COL6A5: variants seen among roughly 807,000 people sequenced by gnomAD.
COL6A5 encodes collagen alpha-5(VI) chain.
In COL6A5, 48 loss-of-function variants were observed where a neutral mutation model predicts 65.6. The ratio of observed to expected loss-of-function variants is 0.73; its 90% confidence interval spans 0.58 to 0.93. COL6A5 has a LOEUF of 0.93. Among genes scored for constraint, COL6A5 ranks in the 40% least tolerant of loss-of-function variants. The pLI is 0.00. For synonymous variants in COL6A5, 291 were observed against 322.8 expected, an observed-to-expected ratio of 0.90 and a Z score of 1.05; for missense variants, 914 against 928.3, an observed-to-expected ratio of 0.98 and a Z score of 0.20.
intron 1 of COL6A5, among the ~76,000 whole-genome samples, chr3:130,353,870 T>A (rs188091994): frequency 7.9e-5 from 12 of 152,180 alleles, no homozygotes; most frequent in Non-Finnish European, 2.9e-5. Context: ...AATGAATATG[T>A]CACTTATATT....
At chr3:130,429,647 A>C, upstream of COL6A5, 1 of 1,388,082 alleles carries the variant, frequency 7.2e-7, no homozygotes, top group Admixed American at 2.5e-5. Flanking sequence ...AACAAGACCA[A>C]TCTGAAAGAT....
In COL6A5 at chr3:130,426,239, C is replaced by CTA. The variant is rs1157449224; in HGVS notation, c.5190_5191insAT (p.Val1731MetfsTer8). 4 of 1,551,170 alleles carry CTA rather than the reference C, an allele frequency of 2.6e-6. No individual in the cohort carries two copies. In the African/African-American group the frequency reaches 4.1e-5, roughly 16 times the overall value. On this transcript the variant is annotated frameshift_variant and NMD_transcript_variant, in exon 30 of 42. Transcript: ENST00000312481. ...GGCATTAAAGGCATGGCAGGGCAGC[C>CTA]TGTATATTCTGTATGTATCTCCTTA...
chr3:130,466,878 A>G (rs752923765), intron 5 of COL6A5, among the ~76,000 whole-genome samples: 3 of 152,122 alleles, frequency 2.0e-5, no homozygotes, highest in African/African-American at 4.8e-5. Flanking sequence ...CTTGCAATGT[A>G]TAAACTACCA....
At position 130,379,926 on chromosome 3, in the gene COL6A5, A is replaced by G. The variant is rs781713952; in HGVS notation, c.1176A>G (p.Thr392=). The G allele has an allele frequency of 1.7e-5, 26 of 1,551,348 alleles. No homozygotes were observed. In the East Asian group the frequency reaches 5.9e-4, roughly 35 times the overall value. The stretch of plus-strand genomic sequence containing the variant: ...TAGTGTCTTATCCTCCAGAACAGAC[A>G]ATTTCCACGCTGAAGTCCTATGCAG... Residue 392 remains threonine, a synonymous_variant and NMD_transcript_variant, in exon 4 of 42, where the codon ACA becomes ACG. Transcript: ENST00000312481.
chr3:130,448,058 A>G (rs1248636775), intron 4 of COL6A5, among the ~76,000 whole-genome samples: 1 of 152,202 alleles, frequency 6.6e-6, no homozygotes, highest in Non-Finnish European at 1.5e-5. Context: ...AAGGAACTAC[A>G]ATTACATTTG....
At chr3:130,378,946 G>C (rs1254909661) in intron 3 of COL6A5, among the ~76,000 whole-genome samples, 1 of 152,174 alleles carries the variant, frequency 6.6e-6, no homozygotes, top group Non-Finnish European at 1.5e-5. Context: ...CCTGTAGTAA[G>C]AGATATTTCT....
At chr3:130,480,326 G>T (rs910939313) in intron 7 of COL6A5, among the ~76,000 whole-genome samples, 2 of 151,906 alleles carry the variant, frequency 1.3e-5, no homozygotes, top group Admixed American at 1.3e-4. Context: ...AAGTGTTAAT[G>T]TATAGAAGCT....
At chr3:130,458,508 A>G (rs536676806) in intron 5 of COL6A5, among the ~76,000 whole-genome samples, 2 of 152,280 alleles carry the variant, frequency 1.3e-5, no homozygotes, top group African/African-American at 4.8e-5. Flanking sequence ...TTCTGGGAGC[A>G]GGACTCAGCA....
At chr3:130,365,069 C>T (rs1350276927) in intron 1 of COL6A5, among the ~76,000 whole-genome samples, 2 of 152,156 alleles carry the variant, frequency 1.3e-5, no homozygotes, top group East Asian at 3.9e-4. Flanking sequence ...TTCTCTCTGA[C>T]TTTGATGGTG....
At chr3:130,379,505 G>C in exon 4 of COL6A5, 2 of 1,551,334 alleles carry the variant, frequency 1.3e-6, no homozygotes, top group Non-Finnish European at 1.7e-6. Context: ...GGAAATTTAA[G>C]GCATCTTCAG....
exon 3 of COL6A5, chr3:130,376,643 G>C: frequency 1.9e-6 from 3 of 1,612,764 alleles, no homozygotes; most frequent in Non-Finnish European, 2.5e-6. Context: ...AAGCCCTGCA[G>C]AAAGACGGGG....
intron 4 of COL6A5, among the ~76,000 whole-genome samples, chr3:130,448,267 GTACTC>G (rs566967484): frequency 4.2e-4 from 64 of 152,264 alleles, no homozygotes; most frequent in African/African-American, 1.3e-3. Context: ...TGAAACGGCT[GTACTC>G]TAGATAACTG....
intron 7 of COL6A5, among the ~76,000 whole-genome samples, chr3:130,475,001 T>C (rs1710052960): frequency 1.2e-5 from 1 of 81,536 alleles, no homozygotes; most frequent in Non-Finnish European, 2.1e-5. Flanking sequence ...AGCAAGACCA[T>C]GTCTCCAAAA....
intron 4 of COL6A5, among the ~76,000 whole-genome samples, chr3:130,449,022 G>C (rs986346833): frequency 6.6e-6 from 1 of 152,182 alleles, no homozygotes; most frequent in Non-Finnish European, 1.5e-5. Context: ...CCATTTGCCT[G>C]ATTTCTTTTT....
At chr3:130,481,044 T>C (rs946133010) in intron 7 of COL6A5, among the ~76,000 whole-genome samples, 2 of 151,984 alleles carry the variant, frequency 1.3e-5, no homozygotes, top group African/African-American at 4.8e-5. Context: ...TTTCTTTTTC[T>C]TTCTTTCTTT....
At chr3:130,455,078 T>C (rs1207279136) in intron 4 of COL6A5, among the ~76,000 whole-genome samples, 1 of 151,754 alleles carries the variant, frequency 6.6e-6, no homozygotes, top group African/African-American at 2.4e-5. Context: ...AGGTTGAGGC[T>C]GCAGTGAGCT....
intron 1 of COL6A5, among the ~76,000 whole-genome samples, chr3:130,356,537 C>T (rs916853549): frequency 2.0e-5 from 3 of 151,466 alleles, no homozygotes; most frequent in Non-Finnish European, 2.9e-5. Context: ...ATAGCAAAAA[C>T]CTCAATTACT....
upstream of COL6A5, chr3:130,429,666 C>T (rs9875499): frequency 0.21 from 256,078 of 1,203,006 alleles, 28,970 homozygotes; most frequent in East Asian, 0.33. Flanking sequence ...ATGCCCTCAA[C>T]TCCGTGGGAA....
At chr3:130,377,496 T>TTAG (rs1559866586) in intron 3 of COL6A5, among the ~76,000 whole-genome samples, 1 of 152,222 alleles carries the variant, frequency 6.6e-6, no homozygotes, top group Non-Finnish European at 1.5e-5. Flanking sequence ...TGAGACACTA[T>TTAG]TAGTACATGT....
Sources: allele counts gnomAD v4.1 joint callset (sites outside exome capture counted in the v4.1 genomes callset), GRCh38; gene constraint gnomAD v4.1.1; transcripts MANE v1.5; gene names NCBI Gene and HGNC (gene_info 2026-07-23, HGNC 2026-07-21).